Variants in SDK1 observed in about 807,000 individuals in gnomAD.
SDK1 encodes sidekick cell adhesion molecule 1, also known as protein sidekick-1.
In SDK1, 157 loss-of-function variants were observed where a neutral mutation model predicts 245.5. The observed-to-expected ratio is 0.64, with a 90% CI of 0.56 to 0.73. SDK1 has a LOEUF of 0.73. SDK1 is among the 30% of genes least tolerant of loss of function. The probability of loss-of-function intolerance (pLI) is 0.00; values close to 1 mark genes in which losing one functional copy is unlikely to be tolerated. For synonymous variants in SDK1, 1,647 were observed against 1,278.5 expected, an observed-to-expected ratio of 1.29 and a Z score of -6.15; for missense variants, 3,583 against 3,002.3, an observed-to-expected ratio of 1.19 and a Z score of -4.52.
intron 5 of SDK1, among the ~76,000 whole-genome samples, chr7:3,861,084 G>A (rs1186950366): frequency 6.6e-6 from 1 of 152,164 alleles, no homozygotes; most frequent in African/African-American, 2.4e-5. Flanking sequence ...TCCAAGCTCT[G>A]TAACCCTTCA....
At chr7:4,240,600 G>T (rs548141896) in intron 42 of SDK1, among the ~76,000 whole-genome samples, 2 of 152,260 alleles carry the variant, frequency 1.3e-5, no homozygotes, top group Admixed American at 1.3e-4. Context: ...GGAGCCTCTT[G>T]GGGTTTAGAA....
intron 5 of SDK1, among the ~76,000 whole-genome samples, chr7:3,883,490 C>T (rs116166486): frequency 6.6e-6 from 1 of 152,048 alleles, no homozygotes; most frequent in Non-Finnish European, 1.5e-5. Flanking sequence ...ATTTGAGGCC[C>T]CTAAAAAATC....
At chr7:3,349,236 T>A (rs1395558857) in intron 1 of SDK1, among the ~76,000 whole-genome samples, 1 of 152,096 alleles carries the variant, frequency 6.6e-6, no homozygotes, top group Non-Finnish European at 1.5e-5. Flanking sequence ...CACAACAGCC[T>A]ATTTAGATGT....
chr7:3,948,818 C>G (rs1780680591), intron 5 of SDK1, among the ~76,000 whole-genome samples: 1 of 152,226 alleles, frequency 6.6e-6, no homozygotes, highest in African/African-American at 2.4e-5. Flanking sequence ...CCTCCCCAGT[C>G]CTGAACTCAG....
intron 1 of SDK1, among the ~76,000 whole-genome samples, chr7:3,462,155 C>T (rs190784682): frequency 6.6e-6 from 1 of 152,136 alleles, no homozygotes; most frequent in Non-Finnish European, 1.5e-5. Context: ...AGAGGCTGAT[C>T]AGTGACTTCA....
intron 35 of SDK1, among the ~76,000 whole-genome samples, chr7:4,194,336 A>G (rs1783434658): frequency 8.2e-6 from 1 of 122,254 alleles, no homozygotes. Flanking sequence ...ACGTATGTGT[A>G]TACATGTATA....
chr7:3,698,909 T>C (rs1021059868), intron 4 of SDK1, among the ~76,000 whole-genome samples: 4 of 152,134 alleles, frequency 2.6e-5, no homozygotes, highest in African/African-American at 4.8e-5. Flanking sequence ...TACGAATCAG[T>C]TGGGGAGGAC....
intron 4 of SDK1, among the ~76,000 whole-genome samples, chr7:3,815,466 A>G (rs1238685086): frequency 1.3e-5 from 2 of 150,186 alleles, no homozygotes; most frequent in Non-Finnish European, 3.0e-5. Flanking sequence ...GATGAAGCCC[A>G]CTTGATCATG....
intron 5 of SDK1, among the ~76,000 whole-genome samples, chr7:3,865,681 TTC>T (rs1491434247): frequency 6.6e-6 from 1 of 151,626 alleles, no homozygotes. Flanking sequence ...GCTTATTTTT[TTC>T]TTTTTTTTTT....
chr7:3,466,433 T>C (rs1046130876), intron 1 of SDK1, among the ~76,000 whole-genome samples: 3 of 148,250 alleles, frequency 2.0e-5, no homozygotes, highest in African/African-American at 5.0e-5. Flanking sequence ...AGGTGAACAT[T>C]ACTCTGTCAC....
intron 4 of SDK1, among the ~76,000 whole-genome samples, chr7:3,712,649 A>G (rs1389939725): frequency 3.9e-5 from 6 of 152,158 alleles, no homozygotes; most frequent in Non-Finnish European, 8.8e-5. Flanking sequence ...TGGATAGGAC[A>G]TTTCACTGCC....
At chr7:3,851,282 G>T (rs1780412853) in intron 5 of SDK1, among the ~76,000 whole-genome samples, 1 of 151,940 alleles carries the variant, frequency 6.6e-6, no homozygotes, top group East Asian at 1.9e-4. Context: ...TTTTTTAATT[G>T]AATTATTTGG....
At chr7:3,735,429 T>C (rs575362546) in intron 4 of SDK1, among the ~76,000 whole-genome samples, 2 of 152,304 alleles carry the variant, frequency 1.3e-5, no homozygotes, top group South Asian at 4.1e-4. Context: ...ATTTTGACTT[T>C]GTGTGACAGA....
At chr7:3,993,660 G>T (rs1784507901) in intron 14 of SDK1, among the ~76,000 whole-genome samples, 1 of 152,140 alleles carries the variant, frequency 6.6e-6, no homozygotes, top group Admixed American at 6.5e-5. Context: ...TTGAAAGCCA[G>T]CCCTGCACCC....
intron 4 of SDK1, among the ~76,000 whole-genome samples, chr7:3,716,273 A>G (rs576744992): frequency 6.6e-6 from 1 of 152,186 alleles, no homozygotes; most frequent in East Asian, 1.9e-4. Flanking sequence ...GGGGGAAAAA[A>G]AAAACTCCAC....
intron 1 of SDK1, among the ~76,000 whole-genome samples, chr7:3,386,376 T>C (rs1781610910): frequency 6.6e-6 from 1 of 152,212 alleles, no homozygotes; most frequent in Non-Finnish European, 1.5e-5. Context: ...TTAAAAGAGT[T>C]AAAGTTGAAG....
chr7:3,760,138 A>G (rs1275260288), intron 4 of SDK1, among the ~76,000 whole-genome samples: 1 of 151,996 alleles, frequency 6.6e-6, no homozygotes, highest in African/African-American at 2.4e-5. Flanking sequence ...AAATAAAGAG[A>G]TGTCTTTTTT....
At chr7:3,710,937 T>C (rs572107944) in intron 4 of SDK1, among the ~76,000 whole-genome samples, 4 of 152,248 alleles carry the variant, frequency 2.6e-5, no homozygotes, top group African/African-American at 9.6e-5. Context: ...GATTTTTCTC[T>C]AAAATACAAA....
chr7:4,187,727 G>C (rs981572296), intron 35 of SDK1, among the ~76,000 whole-genome samples: 1 of 152,178 alleles, frequency 6.6e-6, no homozygotes, highest in Non-Finnish European at 1.5e-5. Context: ...GTCCAAAGGT[G>C]GTTTGGGGTT....
Sources: gnomAD v4.1 joint callset for allele counts (sites outside exome capture counted in the v4.1 genomes callset) on GRCh38, gnomAD v4.1.1 for gene constraint, MANE v1.5 for transcripts, NCBI Gene and HGNC (gene_info 2026-07-23, HGNC 2026-07-21) for gene names.